ELL2: variants seen among roughly 807,000 people sequenced by gnomAD.
The protein encoded by ELL2 is RNA polymerase II elongation factor ELL2.
In ELL2, 21 loss-of-function variants were observed where a neutral mutation model predicts 72.8. The ratio of observed to expected loss-of-function variants is 0.29; its 90% CI spans 0.20 to 0.42. ELL2 has a LOEUF of 0.42. ELL2 is among the 10% of genes least tolerant of loss of function. ELL2 has a pLI of 1.00. For synonymous variants in ELL2, 266 were observed against 283.2 expected, an observed-to-expected ratio of 0.94 and a Z score of 0.61; for missense variants, 568 against 772.8, an observed-to-expected ratio of 0.73 and a Z score of 3.14.
At chr5:95,927,396 GACATACACACACGTGTGTATAT>G (rs1561504139) in intron 2 of ELL2, among the ~76,000 whole-genome samples, 8 of 29,364 alleles carry the variant, frequency 2.7e-4, no homozygotes, top group African/African-American at 5.7e-4. Flanking sequence ...TGTATATATA[GACATACACACACGTGTGTATAT>G]AGACATACAC....
At chr5:95,919,688 G>A in intron 2 of ELL2, 143 bp from the exon 3 acceptor site, 1 of 941,670 alleles carries the variant, frequency 1.1e-6, no homozygotes, top group Non-Finnish European at 1.5e-6. Flanking sequence ...GCATTTAAAT[G>A]ACCAAACAAT....
chr5:95,896,162 T>G (rs1748868711), intron 8 of ELL2, among the ~76,000 whole-genome samples: 1 of 152,248 alleles, frequency 6.6e-6, no homozygotes, highest in African/African-American at 2.4e-5. Context: ...CTTTTTTGTA[T>G]GCAGACAGTG....
At position 95,926,523 on chromosome 5, in the gene ELL2, A is replaced by T. The variant is rs1750286533; in HGVS notation, c.196-6978T>A. Reference sequence around the variant, plus strand: ...ATTAATAAATAATTCAGGAAAAATAAGTCCATTTATTTCCTTCCATTGTTC... The same window carrying T: ...ATTAATAAATAATTCAGGAAAAATATGTCCATTTATTTCCTTCCATTGTTC... On this transcript the variant is annotated intron_variant, in intron 2 of 11. Transcript: ENST00000237853. Among the ~76,000 whole-genome samples the T allele has an allele frequency of 2.0e-5, 3 of 152,214 alleles. No homozygotes were observed. In the South Asian group the frequency reaches 6.2e-4, roughly 31 times the overall value.
At chr5:95,926,176 GAA>G (rs1291001197) in intron 2 of ELL2, among the ~76,000 whole-genome samples, 1 of 136,352 alleles carries the variant, frequency 7.3e-6, no homozygotes. Flanking sequence ...GTTGAGGGGA[GAA>G]AAAAAAAAAA....
At position 95,888,462 on chromosome 5, in the gene ELL2, C is replaced by G. The variant is rs1748537099; in HGVS notation, c.*409G>C. On this transcript the variant is annotated 3_prime_UTR_variant, in exon 12 of 12. Coordinates refer to ENST00000237853, the MANE Select transcript of ELL2 (RefSeq NM_012081.6). The stretch of plus-strand genomic sequence containing the variant: ...CGTCAGAAAATAGGCTTACGTTTAT[C>G]CAAAAGCATTTCACCTTGCACATTA... 1 of 153,596 alleles carries G rather than the reference C, an allele frequency of 6.5e-6. No homozygotes were observed. The highest frequency in any genetic ancestry group is 2.4e-5 in the African/African-American group (1 of 41,488). 9.5% of individuals were successfully genotyped at this position (153,596 alleles called of 1,614,324 possible).
At chr5:95,907,296 A>ATATTTTTTTTTTTT in intron 4 of ELL2, among the ~76,000 whole-genome samples, 50 of 116,484 alleles carry the variant, frequency 4.3e-4, no homozygotes, top group African/African-American at 1.2e-3. Context: ...ATATATATAT[A>ATATTTTTTTTTTTT]TTTTTTTTTT....
At chr5:95,943,156 C>A in intron 1 of ELL2, 107 bp from the exon 2 acceptor site, 2 of 841,688 alleles carry the variant, frequency 2.4e-6, no homozygotes, top group Non-Finnish European at 1.7e-6. Flanking sequence ...CACAGTGACT[C>A]ATGACTCTAA....
chr5:95,925,516 G>A (rs1271202626), intron 2 of ELL2, among the ~76,000 whole-genome samples: 4 of 152,178 alleles, frequency 2.6e-5, no homozygotes, highest in Admixed American at 6.5e-5. Flanking sequence ...GCTTTTGTCT[G>A]TTGTGTTCCC....
chr5:95,941,698 C>A lies in ELL2; in HGVS notation c.195+1304G>T, dbSNP rs911802220. Among the ~76,000 whole-genome samples, 5 of 152,332 alleles carry A rather than the reference C, an allele frequency of 3.3e-5. No homozygotes were observed. The South Asian group carries it at 8.3e-4, about 25-fold the overall frequency. Reference sequence around the variant, plus strand: ...TATACTCTTCCTCTAGCCCTCTTCTCCCAAGATAATCCTTTAGTGAAAATC... The same window carrying A: ...TATACTCTTCCTCTAGCCCTCTTCTACCAAGATAATCCTTTAGTGAAAATC... On this transcript the variant is annotated intron_variant, in intron 2 of 11. Coordinates refer to ENST00000237853, the MANE Select transcript of ELL2 (RefSeq NM_012081.6).
chr5:95,927,617 A>G lies in ELL2; in HGVS notation c.196-8072T>C, dbSNP rs1325910390. 6.7e-4 allele frequency among the ~76,000 whole-genome samples: 26 copies of G among 38,632 alleles called. 5 individuals are homozygous for G. Among genetic ancestry groups the G allele is most frequent in the East Asian group, 5.6e-3 (1 of 180 alleles). The allele number at this position is 38,632 out of a possible 152,430, so 25.3% of individuals were successfully genotyped here. ...TATAGACATACACACACACGTGTGT[A>G]TATAGACATACACACACACGTGTGT... On this transcript the variant is annotated intron_variant, in intron 2 of 11. Coordinates refer to ENST00000237853, the MANE Select transcript of ELL2 (RefSeq NM_012081.6).
chr5:95,910,465 T>C (rs1333998130), intron 4 of ELL2, among the ~76,000 whole-genome samples: 2 of 152,142 alleles, frequency 1.3e-5, no homozygotes, highest in Non-Finnish European at 2.9e-5. Flanking sequence ...TTTTTTTTTA[T>C]ATCAGTGTTT....
rs139850852 is a variant in ELL2 at position 95,891,264 on chromosome 5, C to T, written c.1600G>A (p.Ala534Thr). Residue 534 changes from alanine (A) to threonine (T), a missense_variant, in exon 10 of 12, where the codon GCT becomes ACT. Ala to Thr is a moderately conservative substitution (Grantham distance 58). Coordinates refer to ENST00000237853, the MANE Select transcript of ELL2 (RefSeq NM_012081.6). ...ELPDYLIKYI[A>T]IVSYEQRQNY... ...TGGCGTTGCTCATAGGAGACGATAG[C>T]GATATATTTTCTAATAAGAAAAAAG... The T allele has an allele frequency of 2.5e-6, 4 of 1,600,966 alleles. No individual in the cohort carries two copies. The highest frequency in any genetic ancestry group is 1.3e-5 in the African/African-American group (1 of 74,098).
chr5:95,906,696 T>G lies in ELL2; in HGVS notation c.568A>C (p.Asn190His), dbSNP rs1323309905. The change falls in exon 5 of 12, where the codon AAT becomes CAT. Residue 190 changes from asparagine to histidine, a missense_variant. This residue lies in a region of ELL2 where 511 missense variants were observed against 728.4 expected (regional missense o/e 0.70). Coordinates refer to ENST00000237853, the MANE Select transcript of ELL2 (RefSeq NM_012081.6). ...RKRSTPMNPANTIRKTHSSST... is the reference protein window; with the variant it reads ...RKRSTPMNPAHTIRKTHSSST... The stretch of plus-strand genomic sequence containing the variant: ...CTGCTATGTGTCTTTCGAATTGTAT[T>G]TGCAGGGTTCATGGGGGTTGACCTT... 6.2e-7 allele frequency: 1 copy of G among 1,614,122 alleles called. No individual in the cohort carries two copies. Among genetic ancestry groups the G allele is most frequent in the East Asian group, 2.2e-5 (1 of 44,876 alleles).
chr5:95,927,111 T>C (rs1197273037), intron 2 of ELL2, among the ~76,000 whole-genome samples: 1 of 152,046 alleles, frequency 6.6e-6, no homozygotes, highest in African/African-American at 2.4e-5. Flanking sequence ...TAGGTTTCTA[T>C]GACATAGTAG....
At chr5:95,955,713 G>C (rs1751604104) in intron 1 of ELL2, among the ~76,000 whole-genome samples, 1 of 152,154 alleles carries the variant, frequency 6.6e-6, no homozygotes, top group African/African-American at 2.4e-5. Context: ...AGGTATGCAG[G>C]ACAGTCAGAT....
chr5:95,925,485 A>G (rs1216520314), intron 2 of ELL2, among the ~76,000 whole-genome samples: 1 of 152,236 alleles, frequency 6.6e-6, no homozygotes, highest in Non-Finnish European at 1.5e-5. Flanking sequence ...TCACTAGAAT[A>G]TAAGCTCTGC....
chr5:95,915,772 AG>A (rs1452056123), intron 3 of ELL2, among the ~76,000 whole-genome samples: 1 of 152,310 alleles, frequency 6.6e-6, no homozygotes, highest in Non-Finnish European at 1.5e-5. Flanking sequence ...TAATCTGTGC[AG>A]GGCCAGGAAG....
chr5:95,951,138 C>T (rs538434693), intron 1 of ELL2, among the ~76,000 whole-genome samples: 258 of 151,074 alleles, frequency 1.7e-3, no homozygotes, highest in Non-Finnish European at 2.6e-3. Flanking sequence ...GGGAGGCCGA[C>T]GTGGGTGGAT....
intron 1 of ELL2, among the ~76,000 whole-genome samples, chr5:95,960,970 G>A (rs1044827505): frequency 2.0e-5 from 3 of 151,316 alleles, no homozygotes; most frequent in African/African-American, 7.3e-5. Context: ...TGAGTACACC[G>A]TGTGCCCCTC....
Sources: allele counts gnomAD v4.1 joint callset (sites outside exome capture counted in the v4.1 genomes callset), GRCh38; gene constraint gnomAD v4.1.1; regional missense constraint gnomAD v4.1.1; transcripts MANE v1.5; gene names NCBI Gene and HGNC (gene_info 2026-07-23, HGNC 2026-07-21).